TRAPPC12: variants seen among roughly 807,000 people sequenced by gnomAD.
The protein encoded by TRAPPC12 is trafficking protein particle complex subunit 12.
In TRAPPC12, 61 loss-of-function variants were observed where a neutral mutation model predicts 69.2. The observed-to-expected ratio is 0.88, with a 90% CI of 0.72 to 1.09. TRAPPC12 has a LOEUF of 1.09. Among genes scored for constraint, TRAPPC12 ranks in the 50% least tolerant of loss-of-function variants. The pLI, the probability that TRAPPC12 is intolerant of heterozygous loss-of-function variation, is 0.00. For missense variants in TRAPPC12, 1,101 were observed against 1,016.4 expected, an observed-to-expected ratio of 1.08 and a Z score of -1.13; for synonymous variants, 469 against 438.9, an observed-to-expected ratio of 1.07 and a Z score of -0.86.
chr2:3,454,202 C>T (rs545263907), intron 6 of TRAPPC12, among the ~76,000 whole-genome samples: 68 of 152,350 alleles, frequency 4.5e-4, no homozygotes, highest in African/African-American at 1.6e-3. Flanking sequence ...GTGCTTTTTG[C>T]AGAGGGAGGG....
chr2:3,431,070 G>A (rs529115247), intron 5 of TRAPPC12, among the ~76,000 whole-genome samples: 1 of 152,244 alleles, frequency 6.6e-6, no homozygotes, highest in African/African-American at 2.4e-5. Flanking sequence ...CTGACTTGCA[G>A]CTCTTCACCT....
chr2:3,449,916 A>G (rs1018095542), intron 6 of TRAPPC12, among the ~76,000 whole-genome samples: 5 of 152,138 alleles, frequency 3.3e-5, no homozygotes, highest in African/African-American at 1.2e-4. Context: ...ATGGCCATCC[A>G]TCGAGGCCAC....
rs114217148 is a variant in TRAPPC12 at position 3,476,210 on chromosome 2, T to C, written c.1777-1485T>C. 5.2e-3 allele frequency among the ~76,000 whole-genome samples: 793 copies of C among 152,344 alleles called. 10 individuals are homozygous for C. The highest frequency in any genetic ancestry group is 0.018 in the African/African-American group (760 of 41,564). On this transcript the variant is annotated intron_variant, in intron 9 of 11. Transcript: ENST00000324266. ...TCCTCCTCGTATGGTATTTCTTTTG[T>C]GGGATAACAGCAACAGTTGTGAAGG...
At chr2:3,478,008 T>G in intron 10 of TRAPPC12, 1 of 424,126 alleles carries the variant, frequency 2.4e-6, no homozygotes, top group Non-Finnish European at 4.3e-6. Context: ...TTTAAGGAGC[T>G]ATTCCCCCTT....
At chr2:3,406,227 A>C (rs1661723111) in intron 3 of TRAPPC12, among the ~76,000 whole-genome samples, 1 of 152,192 alleles carries the variant, frequency 6.6e-6, no homozygotes, top group South Asian at 2.1e-4. Context: ...ATTAACTCGG[A>C]GTAAGCGCAA....
At chr2:3,443,675 A>G (rs1247588699) in intron 5 of TRAPPC12, 104 bp from the exon 6 acceptor site, 1 of 813,498 alleles carries the variant, frequency 1.2e-6, no homozygotes, top group Non-Finnish European at 2.1e-6. Context: ...GGGATCTGTC[A>G]TCACTTCTGC....
chr2:3,426,382 G>A (rs1663102820), intron 5 of TRAPPC12, among the ~76,000 whole-genome samples: 1 of 152,232 alleles, frequency 6.6e-6, no homozygotes. Context: ...GTGTCATCCA[G>A]GGACGTAGAC....
At chr2:3,442,087 A>G (rs1448164171) in intron 5 of TRAPPC12, among the ~76,000 whole-genome samples, 3 of 122,958 alleles carry the variant, frequency 2.4e-5, no homozygotes, top group South Asian at 2.5e-4. Flanking sequence ...TAGTCTATAA[A>G]TTGAGATCGG....
intron 6 of TRAPPC12, chr2:3,456,913 T>TA (rs1179352173): frequency 9.0e-6 from 3 of 333,294 alleles, no homozygotes; most frequent in South Asian, 6.7e-5. Context: ...ATGCTTTTCT[T>TA]AAAAAACATA....
chr2:3,446,618 C>T (rs1664521798), intron 6 of TRAPPC12, among the ~76,000 whole-genome samples: 1 of 152,256 alleles, frequency 6.6e-6, no homozygotes, highest in Non-Finnish European at 1.5e-5. Flanking sequence ...CTTTCTGCGG[C>T]TGGTTCAGTG....
chr2:3,435,710 A>C (rs915041159), intron 5 of TRAPPC12, among the ~76,000 whole-genome samples: 5 of 152,160 alleles, frequency 3.3e-5, no homozygotes, highest in Non-Finnish European at 4.4e-5. Context: ...GAATTTCATC[A>C]CTTTCTTTTC....
At chr2:3,419,987 C>T (rs2103050458) in intron 3 of TRAPPC12, among the ~76,000 whole-genome samples, 1 of 152,332 alleles carries the variant, frequency 6.6e-6, no homozygotes, top group African/African-American at 2.4e-5. Flanking sequence ...TAGGTACAAC[C>T]CAGCAATCCA....
intron 3 of TRAPPC12, among the ~76,000 whole-genome samples, chr2:3,404,098 C>T (rs1490362700): frequency 1.3e-5 from 2 of 152,140 alleles, no homozygotes; most frequent in Non-Finnish European, 2.9e-5. Flanking sequence ...CTACGCTGAC[C>T]GGGCCACCTG....
chr2:3,390,124 T>G (rs1660746067), intron 2 of TRAPPC12, among the ~76,000 whole-genome samples: 1 of 152,194 alleles, frequency 6.6e-6, no homozygotes, highest in Non-Finnish European at 1.5e-5. Context: ...GACTTGCAGC[T>G]AGGCTTTAAA....
chr2:3,406,087 C>T (rs1661713869), intron 3 of TRAPPC12, among the ~76,000 whole-genome samples: 2 of 152,154 alleles, frequency 1.3e-5, no homozygotes, highest in African/African-American at 4.8e-5. Context: ...CTGAAGGACC[C>T]TTCCAGACTC....
At chr2:3,448,249 C>T (rs1212403530) in intron 6 of TRAPPC12, among the ~76,000 whole-genome samples, 1 of 152,230 alleles carries the variant, frequency 6.6e-6, no homozygotes, top group Non-Finnish European at 1.5e-5. Context: ...CATCACACAG[C>T]TCCAGAAGCC....
At chr2:3,380,203 C>G (rs1042690714) in intron 1 of TRAPPC12, among the ~76,000 whole-genome samples, 2 of 152,150 alleles carry the variant, frequency 1.3e-5, no homozygotes, top group African/African-American at 4.8e-5. Flanking sequence ...CCAGGCGTCC[C>G]CGAGACCCCC....
intron 6 of TRAPPC12, among the ~76,000 whole-genome samples, chr2:3,451,232 T>C (rs912772062): frequency 3.3e-5 from 5 of 152,240 alleles, no homozygotes; most frequent in Admixed American, 3.3e-4. Flanking sequence ...TGGGCAGGTG[T>C]TGATGGTTCC....
intron 6 of TRAPPC12, among the ~76,000 whole-genome samples, chr2:3,445,386 A>G (rs2103104841): frequency 6.6e-6 from 1 of 152,148 alleles, no homozygotes; most frequent in South Asian, 2.1e-4. Flanking sequence ...CTCTGTCTCA[A>G]AAAAAAAGAA....
Sources: allele counts gnomAD v4.1 joint callset (sites outside exome capture counted in the v4.1 genomes callset), GRCh38; gene constraint gnomAD v4.1.1; transcripts MANE v1.5; gene names NCBI Gene and HGNC (gene_info 2026-07-23, HGNC 2026-07-21).